Variants in SFXN5 observed in about 807,000 individuals in gnomAD.
SFXN5 encodes the protein sideroflexin 5.
Under a neutral mutation model 50.2 loss-of-function variants are expected in SFXN5, and 43 were observed. That is an observed-to-expected ratio of 0.86 (90% CI 0.67 to 1.11). The LOEUF is 1.11. SFXN5 is among the 50% of genes least tolerant of loss of function. The pLI is 0.00. For synonymous variants in SFXN5, 203 were observed against 185.8 expected (o/e 1.09, Z -0.75); for missense variants, 463 against 454.1 (o/e 1.02, Z -0.18).
intron 3 of SFXN5, among the ~76,000 whole-genome samples, chr2:73,030,470 T>C (rs531827620): frequency 6.6e-6 from 1 of 152,302 alleles, no homozygotes; most frequent in East Asian, 1.9e-4. Flanking sequence ...CCCAAAGGGC[T>C]GGGATTACAG....
intron 1 of SFXN5, chr2:73,059,598 C>A: frequency 1.0e-6 from 1 of 985,360 alleles, no homozygotes. Flanking sequence ...AGTTCTCATC[C>A]CACCTCCATT....
chr2:73,048,271 G>A (rs1437992289), intron 2 of SFXN5, among the ~76,000 whole-genome samples: 2 of 152,208 alleles, frequency 1.3e-5, no homozygotes, highest in African/African-American at 4.8e-5. Flanking sequence ...AGGCTGGAGT[G>A]CAGTGATGTG....
intron 10 of SFXN5, among the ~76,000 whole-genome samples, chr2:72,986,459 C>T (rs1036666152): frequency 1.3e-5 from 2 of 152,036 alleles, no homozygotes; most frequent in Admixed American, 6.6e-5. Context: ...CTGTAGATGA[C>T]GATCAGGGTC....
At chr2:73,071,425 GC>G (rs1008069926) in intron 1 of SFXN5, 178 bp downstream of exon 1, 34 of 596,746 alleles carry the variant, frequency 5.7e-5, no homozygotes, top group African/African-American at 5.3e-4. Flanking sequence ...GGGAGTCCGC[GC>G]CCGCCCCGTT....
chr2:73,008,448 G>A (rs1675031307), intron 6 of SFXN5, among the ~76,000 whole-genome samples: 2 of 151,986 alleles, frequency 1.3e-5, no homozygotes, highest in African/African-American at 2.4e-5. Context: ...AGGCCCATGA[G>A]GGAAACCCAG....
At chr2:73,010,078 C>A (rs1410188312) in intron 6 of SFXN5, among the ~76,000 whole-genome samples, 1 of 152,300 alleles carries the variant, frequency 6.6e-6, no homozygotes, top group South Asian at 2.1e-4. Context: ...AATTGTATAT[C>A]TTTTAAAGTG....
intron 6 of SFXN5, among the ~76,000 whole-genome samples, chr2:73,017,667 G>C (rs2105806257): frequency 6.6e-6 from 1 of 152,288 alleles, no homozygotes; most frequent in East Asian, 1.9e-4. Context: ...TCAGGGAGAA[G>C]GGACATTCAA....
intron 3 of SFXN5, among the ~76,000 whole-genome samples, chr2:73,031,005 T>G (rs1368276581): frequency 1.3e-5 from 2 of 152,176 alleles, no homozygotes; most frequent in Non-Finnish European, 2.9e-5. Context: ...TCAAAAATAT[T>G]TGTTTAAAAA....
intron 6 of SFXN5, 117 bp from the exon 7 acceptor site, chr2:73,001,695 T>A: frequency 1.0e-6 from 1 of 1,002,832 alleles, no homozygotes; most frequent in African/African-American, 1.6e-5. Flanking sequence ...TGATGTGGTA[T>A]GCCGTGTACA....
chr2:73,033,939 T>G (rs1184240682), intron 3 of SFXN5, among the ~76,000 whole-genome samples: 1 of 152,160 alleles, frequency 6.6e-6, no homozygotes, highest in Non-Finnish European at 1.5e-5. Flanking sequence ...CTCAGTACAC[T>G]GGACAGCCCT....
intron 3 of SFXN5, among the ~76,000 whole-genome samples, chr2:73,029,534 G>A (rs1048420633): frequency 3.3e-5 from 5 of 152,036 alleles, no homozygotes; most frequent in African/African-American, 1.2e-4. Flanking sequence ...ACTAGGTAAG[G>A]CATCTCAGAG....
intron 6 of SFXN5, among the ~76,000 whole-genome samples, chr2:73,018,887 T>C (rs1359431465): frequency 1.3e-5 from 2 of 152,204 alleles, no homozygotes; most frequent in African/African-American, 4.8e-5. Context: ...AGATCACACA[T>C]TGCATTTATT....
rs535862650 is a variant in SFXN5 at position 72,977,410 on chromosome 2, C to T, written c.626-5725G>A. Among the ~76,000 whole-genome samples, 17 of 152,154 alleles carry T rather than the reference C, an allele frequency of 1.1e-4. No individual in the cohort carries two copies. The East Asian group carries it at 3.3e-3, about 29-fold the overall frequency. On this transcript the variant is annotated intron_variant, in intron 10 of 13. Coordinates refer to ENST00000272433, the MANE Select transcript of SFXN5 (RefSeq NM_144579.3). ...TATGGTGATCAAAATCATAGAAAAA[C>T]ATATGAGTAGGCAATTCATAAAAGG...
At chr2:73,037,966 A>G (rs1679175825) in intron 3 of SFXN5, among the ~76,000 whole-genome samples, 1 of 152,248 alleles carries the variant, frequency 6.6e-6, no homozygotes, top group Non-Finnish European at 1.5e-5. Context: ...ATTTCAGGAA[A>G]ACAAAAAGAA....
At chr2:73,068,609 T>C (rs1225743323) in intron 1 of SFXN5, among the ~76,000 whole-genome samples, 1 of 152,076 alleles carries the variant, frequency 6.6e-6, no homozygotes, top group Admixed American at 6.5e-5. Flanking sequence ...CCCTACTGAA[T>C]TGTCTCCAGG....
chr2:72,945,049 CCGGCTGCT>C lies in SFXN5; in HGVS notation c.988_995del (p.Ser330AspfsTer61). ...ACAACCCCTTGTTGTACACCACTGT[CCGGCTGCT>C]CGTGGCCTGGGCTATCTCCGGCTCT... On this transcript the variant is annotated frameshift_variant, in exon 14 of 14. Coordinates refer to ENST00000272433, the MANE Select transcript of SFXN5 (RefSeq NM_144579.3). LOFTEE classifies it high-confidence loss of function. This position sits in a 1 kb window ranked among gnomAD's most constrained non-coding sequence, Gnocchi z 5.8. 6.2e-7 allele frequency: 1 copy of C among 1,614,018 alleles called. No individual in the cohort carries two copies. The highest frequency in any genetic ancestry group is 8.5e-7 in the Non-Finnish European group (1 of 1,179,916).
At chr2:72,967,115 G>A (rs1358907576) in intron 12 of SFXN5, 1 of 152,236 alleles carries the variant, frequency 6.6e-6, no homozygotes, top group African/African-American at 2.4e-5. Context: ...GACATAGCCT[G>A]TCTTTGCCTT....
intron 6 of SFXN5, among the ~76,000 whole-genome samples, chr2:73,002,155 G>T (rs1240370836): frequency 6.6e-6 from 1 of 152,190 alleles, no homozygotes; most frequent in East Asian, 1.9e-4. Flanking sequence ...GAATTTCCAT[G>T]AAGCAAAAAC....
chr2:73,014,891 T>C (rs1230818230), intron 6 of SFXN5, among the ~76,000 whole-genome samples: 1 of 152,212 alleles, frequency 6.6e-6, no homozygotes, highest in Non-Finnish European at 1.5e-5. Flanking sequence ...ATAGTTTGTC[T>C]ATTCTCATAA....
Sources: allele counts gnomAD v4.1 joint callset (sites outside exome capture counted in the v4.1 genomes callset), GRCh38; gene constraint gnomAD v4.1.1; non-coding constraint Gnocchi (gnomAD v3.1); transcripts MANE v1.5; gene names NCBI Gene and HGNC (gene_info 2026-07-23, HGNC 2026-07-21).